The following NALF1 variants were observed in gnomAD, a reference collection of about 807,000 sequenced individuals.
NALF1 encodes NALCN channel auxiliary factor 1, also known as family with sequence similarity 155 member A.
NALF1 carries 3 observed loss-of-function variants against 48.4 expected under a neutral mutation model. The ratio of observed to expected loss-of-function variants is 0.06; its 90% CI spans 0.03 to 0.16. The LOEUF is 0.16. NALF1 is among the 10% of genes least tolerant of loss of function. The probability of loss-of-function intolerance (pLI) is 1.00; values close to 1 mark genes in which losing one functional copy is unlikely to be tolerated. For synonymous variants in NALF1, 262 were observed against 245.7 expected, an observed-to-expected ratio of 1.07 and a Z score of -0.62; for missense variants, 526 against 571.5, an observed-to-expected ratio of 0.92 and a Z score of 0.81.
At chr13:107,254,659 G>A (rs1412321506) in intron 1 of NALF1, among the ~76,000 whole-genome samples, 1 of 152,152 alleles carries the variant, frequency 6.6e-6, no homozygotes. Flanking sequence ...ACCACCTAAG[G>A]AATGTGGTAT....
chr13:107,680,340 C>T (rs1881252806), intron 1 of NALF1, among the ~76,000 whole-genome samples: 1 of 152,192 alleles, frequency 6.6e-6, no homozygotes, highest in African/African-American at 2.4e-5. Flanking sequence ...CAAGAACAAG[C>T]ATTCTCTGGG....
chr13:107,521,000 G>T (rs2794403), intron 1 of NALF1, among the ~76,000 whole-genome samples: 151,691 of 152,300 alleles, frequency 1, 75,545 homozygotes, highest in Middle Eastern at 1. Flanking sequence ...CATACATTGA[G>T]GTACTTTCTC....
At chr13:107,248,373 A>C (rs886954889) in intron 1 of NALF1, among the ~76,000 whole-genome samples, 8 of 151,960 alleles carry the variant, frequency 5.3e-5, no homozygotes, top group Non-Finnish European at 2.9e-5. Context: ...CTGCTGAGGT[A>C]TTGCTGGTTT....
intron 1 of NALF1, among the ~76,000 whole-genome samples, chr13:107,451,466 G>A (rs1884738722): frequency 1.3e-5 from 2 of 152,214 alleles, no homozygotes; most frequent in Non-Finnish European, 2.9e-5. Context: ...GGAGTCGTGA[G>A]TGTGTGGATA....
intron 1 of NALF1, among the ~76,000 whole-genome samples, chr13:107,588,752 C>T (rs921978878): frequency 1.3e-5 from 2 of 151,972 alleles, no homozygotes; most frequent in Non-Finnish European, 2.9e-5. Context: ...TTTGGCATCA[C>T]GTCAGTGGCA....
chr13:107,588,328 A>G (rs1304257035), intron 1 of NALF1, among the ~76,000 whole-genome samples: 1 of 152,106 alleles, frequency 6.6e-6, no homozygotes, highest in Non-Finnish European at 1.5e-5. Flanking sequence ...AGAATTGAAC[A>G]TGGGTATGTT....
At chr13:107,754,539 A>C (rs948814837) in intron 1 of NALF1, among the ~76,000 whole-genome samples, 2 of 152,142 alleles carry the variant, frequency 1.3e-5, no homozygotes, top group African/African-American at 4.8e-5. Flanking sequence ...AAACATGTAG[A>C]TCACTAGATG....
intron 2 of NALF1, among the ~76,000 whole-genome samples, chr13:107,201,247 A>G (rs1438284100): frequency 2.0e-5 from 3 of 152,202 alleles, no homozygotes; most frequent in Non-Finnish European, 1.5e-5. Context: ...GTATAGGCAC[A>G]TATCATAGGC....
chr13:107,316,129 C>T (rs368238295), intron 1 of NALF1, among the ~76,000 whole-genome samples: 21 of 151,806 alleles, frequency 1.4e-4, no homozygotes, highest in Admixed American at 3.9e-4. Context: ...TTCCCACCAA[C>T]GAGCGAGAAC....
chr13:107,746,784 T>C (rs182618872), intron 1 of NALF1, among the ~76,000 whole-genome samples: 6 of 152,256 alleles, frequency 3.9e-5, no homozygotes, highest in South Asian at 4.1e-4. Context: ...TCCAAGATCA[T>C]ATAACAGAGA....
chr13:107,598,216 T>C lies in NALF1; in HGVS notation c.915+267466A>G, dbSNP rs561312892. ...AATTTGTCATAGATGTGTGATTTCCTTTCTATTTAACTTCACATTTTGAGC... is the reference window on the plus strand; with the variant it reads ...AATTTGTCATAGATGTGTGATTTCCCTTCTATTTAACTTCACATTTTGAGC... On this transcript the variant is annotated intron_variant, in intron 1 of 2. Coordinates refer to ENST00000375915, the MANE Select transcript of NALF1 (RefSeq NM_001080396.3). 2.8e-4 allele frequency among the ~76,000 whole-genome samples: 43 copies of C among 152,276 alleles called. No homozygotes were observed. The South Asian group carries it at 6.8e-3, about 24-fold the overall frequency.
intron 1 of NALF1, among the ~76,000 whole-genome samples, chr13:107,835,867 G>T (rs1879873633): frequency 6.6e-6 from 1 of 152,170 alleles, no homozygotes; most frequent in Non-Finnish European, 1.5e-5. Context: ...GAGGATCGGG[G>T]TGAGAGAAGA....
At chr13:107,635,302 T>C (rs146973264) in intron 1 of NALF1, among the ~76,000 whole-genome samples, 2,474 of 152,154 alleles carry the variant, frequency 0.016, 64 homozygotes, top group African/African-American at 0.057. Context: ...CTTACAGTCA[T>C]GGCAGAAGGG....
chr13:107,825,965 G>C (rs1041373520), intron 1 of NALF1, among the ~76,000 whole-genome samples: 2 of 152,164 alleles, frequency 1.3e-5, no homozygotes, highest in Non-Finnish European at 2.9e-5. Flanking sequence ...ATTTTTAGTA[G>C]AGATGGGGTT....
At position 107,164,154 on chromosome 13, in the gene NALF1, T is replaced by C. The variant is rs1594049492; in HGVS notation, c.*6343A>G. The stretch of plus-strand genomic sequence containing the variant: ...AGTCACTGAAGAAAGTCTGTATTCA[T>C]AGATCAATGCTCATTACCTGGTCTT... On this transcript the variant is annotated 3_prime_UTR_variant, in exon 3 of 3. Coordinates refer to ENST00000375915, the MANE Select transcript of NALF1 (RefSeq NM_001080396.3). The C allele has an allele frequency of 2.6e-5, 4 of 152,188 alleles. No individual in the cohort carries two copies. The South Asian group carries it at 6.2e-4, about 24-fold the overall frequency. 9.4% of individuals were successfully genotyped at this position (152,188 alleles called of 1,614,324 possible). A position where few individuals can be genotyped will look rare whatever the true frequency, so the allele number is the denominator to read the frequency against.
rs960340973 is a variant in NALF1 at position 107,380,073 on chromosome 13, CT to C, written c.916-169319del. 2.6e-5 allele frequency among the ~76,000 whole-genome samples: 4 copies of C among 151,440 alleles called. No homozygotes were observed. The South Asian group carries it at 6.3e-4, about 24-fold the overall frequency. On this transcript the variant is annotated intron_variant, in intron 1 of 2. Coordinates refer to ENST00000375915, the MANE Select transcript of NALF1 (RefSeq NM_001080396.3). ...TTTCCTTAATGGGCTGATATGGCTC[CT>C]TTTTTTTTCTATGATACGGGAAAAG...
chr13:107,259,129 T>C lies in NALF1; in HGVS notation c.916-48374A>G, dbSNP rs537362039. Among the ~76,000 whole-genome samples, 4 of 152,296 alleles carry C rather than the reference T, an allele frequency of 2.6e-5. No individual in the cohort carries two copies. The South Asian group carries it at 8.3e-4, about 32-fold the overall frequency. Reference sequence around the variant, plus strand: ...ATTTCCTTTCTGCATCAGGGGAAAGTGTGCCCTATGCTTCTGAGCTGCTCC... The same window carrying C: ...ATTTCCTTTCTGCATCAGGGGAAAGCGTGCCCTATGCTTCTGAGCTGCTCC... On this transcript the variant is annotated intron_variant, in intron 1 of 2. Transcript: ENST00000375915.
At chr13:107,540,797 CAA>C (rs1367841118) in intron 1 of NALF1, among the ~76,000 whole-genome samples, 1 of 151,740 alleles carries the variant, frequency 6.6e-6, no homozygotes, top group South Asian at 2.1e-4. Flanking sequence ...ATACATTGGC[CAA>C]AAAAAGTTTT....
intron 1 of NALF1, among the ~76,000 whole-genome samples, chr13:107,576,957 G>A (rs779374794): frequency 6.4e-4 from 98 of 152,214 alleles, no homozygotes; most frequent in African/African-American, 2.1e-3. Flanking sequence ...AAGTAAACTC[G>A]GGGTCAATTC....
Sources: allele counts gnomAD v4.1 joint callset (sites outside exome capture counted in the v4.1 genomes callset), GRCh38; gene constraint gnomAD v4.1.1; transcripts MANE v1.5; gene names NCBI Gene and HGNC (gene_info 2026-07-23, HGNC 2026-07-21).